The following ANKMY2 variants were observed in gnomAD, a reference collection of about 807,000 sequenced individuals.
ANKMY2 encodes the protein ankyrin repeat and MYND domain containing 2.
A neutral mutation model predicts 50.4 loss-of-function variants in ANKMY2; 36 were observed. The observed-to-expected ratio is 0.71, with a 90% confidence interval of 0.55 to 0.94. ANKMY2 has a LOEUF of 0.94. Ranked by LOEUF, ANKMY2 falls within the 40% of genes least tolerant of loss-of-function variation. The pLI is 0.00. For synonymous variants in ANKMY2, 187 were observed against 178.8 expected (o/e 1.05, Z -0.36); for missense variants, 565 against 524.0 (o/e 1.08, Z -0.76).
rs149136163 is a variant in ANKMY2, at chr7:16,615,793, G to A, written c.482C>T (p.Ala161Val). The change falls in exon 5 of 10, where the codon GCA becomes GTA. Residue 161 changes from alanine (A) to valine (V), a missense_variant. Ala to Val is a moderately conservative substitution (Grantham distance 64, BLOSUM62 0). Coordinates refer to ENST00000306999, the MANE Select transcript of ANKMY2 (RefSeq NM_020319.3). ...GGTGATAATTTTGTGCAGCGGGCCT[G>A]CCAACTTTGGGGGCAGTTTTGGCTC... is the stretch of plus-strand genomic sequence containing the variant. Reference protein sequence around the residue: ...DKEPKLPPKLAGPLHKIITTT... With the variant: ...DKEPKLPPKLVGPLHKIITTT... The A allele has an allele frequency of 1.1e-5, 17 of 1,614,088 alleles. No individual in the cohort carries two copies. The African/African-American group carries it at 1.9e-4, about 18-fold the overall frequency.
At chr7:16,614,621 TTGAG>T (rs1483822404) in intron 5 of ANKMY2, among the ~76,000 whole-genome samples, 6 of 152,228 alleles carry the variant, frequency 3.9e-5, no homozygotes, top group African/African-American at 7.2e-5. Flanking sequence ...TCTTATATCT[TTGAG>T]TGAGTGTCAG....
At chr7:16,623,937 A>G (rs568868003) in intron 4 of ANKMY2, among the ~76,000 whole-genome samples, 1 of 152,188 alleles carries the variant, frequency 6.6e-6, no homozygotes, top group Non-Finnish European at 1.5e-5. Context: ...AAAATTTAAC[A>G]TAATATTCAG....
In ANKMY2 at chr7:16,610,690, T is replaced by A. The variant is rs772985274; in HGVS notation, c.605A>T (p.Asp202Val). ...CTTCATACATTTCTCACAAATCAAA[T>A]CCATCACTCTGTAGCATTTATTCAG... Reference protein sequence around the residue: ...AALNKCYRVMDLICEKCMKQR... With the variant: ...AALNKCYRVMVLICEKCMKQR... The change falls in exon 6 of 10, where the codon GAT becomes GTT. Residue 202 changes from aspartate to valine, a missense_variant. Asp to Val is a radical substitution (Grantham distance 152, BLOSUM62 -3). Transcript: ENST00000306999. 6.2e-7 allele frequency: 1 copy of A among 1,613,988 alleles called. No homozygotes were observed. The highest frequency in any genetic ancestry group is 2.2e-5 in the East Asian group (1 of 44,836).
intron 4 of ANKMY2, among the ~76,000 whole-genome samples, chr7:16,620,591 T>TAC (rs58418780): frequency 0.078 from 11,346 of 145,448 alleles, 619 homozygotes; most frequent in African/African-American, 0.17. Flanking sequence ...AATACATGTG[T>TAC]ACACACACAC....
At position 16,624,856 on chromosome 7, in the gene ANKMY2, G is replaced by C. The variant is rs907923009; in HGVS notation, c.370+127C>G. On this transcript the variant is annotated intron_variant, in intron 4 of 9. Transcript: ENST00000306999. ...CTAGGTGTTTCATTAAGTTACAGTG[G>C]ACTGTAAATACTTAAGTTTTTTTAA... is the stretch of plus-strand genomic sequence containing the variant. 4 of 698,390 alleles carry C rather than the reference G, an allele frequency of 5.7e-6. No homozygotes were observed. The Admixed American group carries it at 8.1e-5, about 14-fold the overall frequency. The allele number at this position is 698,390 out of a possible 1,614,324, so 43.3% of individuals were successfully genotyped here.
intron 1 of ANKMY2, among the ~76,000 whole-genome samples, chr7:16,642,110 T>C (rs73312738): frequency 0.037 from 5,598 of 151,852 alleles, 351 homozygotes; most frequent in African/African-American, 0.13. Context: ...ATAGCTCCTT[T>C]ACACAGATAT....
intron 1 of ANKMY2, among the ~76,000 whole-genome samples, chr7:16,638,862 C>CG (rs1021068876): frequency 5.4e-5 from 3 of 55,654 alleles, no homozygotes; most frequent in African/African-American, 2.4e-4. Flanking sequence ...CACCTAGCAC[C>CG]CCATTGTTCA....
At position 16,627,025 on chromosome 7, in the gene ANKMY2, A is replaced by G; in HGVS notation, c.271+15T>C. 6.3e-7 allele frequency: 1 copy of G among 1,583,974 alleles called. No homozygotes were observed. The highest frequency in any genetic ancestry group is 8.6e-7 in the Non-Finnish European group (1 of 1,166,880). ...TTGTATAGGTAACTTATATTTATAA[A>G]TACTAAAACTTCACCAGAAAGTGCA... On this transcript the variant is annotated intron_variant, in intron 3 of 9. Transcript: ENST00000306999.
At chr7:16,623,506 G>C (rs1221463862) in intron 4 of ANKMY2, among the ~76,000 whole-genome samples, 1 of 152,082 alleles carries the variant, frequency 6.6e-6, no homozygotes, top group Non-Finnish European at 1.5e-5. Flanking sequence ...TTACATTGTG[G>C]ATATAATGAA....
chr7:16,609,346 T>C (rs748242131), intron 7 of ANKMY2, among the ~76,000 whole-genome samples: 1 of 152,170 alleles, frequency 6.6e-6, no homozygotes, highest in Non-Finnish European at 1.5e-5. Context: ...CTATATTACA[T>C]AGTGGATGTA....
In ANKMY2 at chr7:16,609,623, G is replaced by A. The variant is rs905545200; in HGVS notation, c.882+7C>T. ...GATAGAGTCAACTTAGGTAAGAGGA[G>A]CCTTACAATTTCAACAGGAGCAATG... On this transcript the variant is annotated splice_region_variant and intron_variant, in intron 7 of 9. Transcript: ENST00000306999. 6.3e-7 allele frequency: 1 copy of A among 1,597,382 alleles called. No homozygotes were observed. The highest frequency in any genetic ancestry group is 8.5e-7 in the Non-Finnish European group (1 of 1,175,342).
chr7:16,645,531 C>T lies in ANKMY2; in HGVS notation c.43G>A (p.Glu15Lys). Reference sequence around the variant, plus strand: ...CCTTTCCCGATGACTTCCAGTAGCTCCTTCTCCTCCTGGGTCAGCTCGCCT... The same window carrying T: ...CCTTTCCCGATGACTTCCAGTAGCTTCTTCTCCTCCTGGGTCAGCTCGCCT... ...KKGELTQEEK[E>K]LLEVIGKGTV... The change falls in exon 1 of 10, where the codon GAG (glutamate) becomes AAG (lysine). Residue 15 changes from glutamate (E) to lysine (K), a missense_variant. Transcript: ENST00000306999. 6.2e-7 allele frequency: 1 copy of T among 1,612,076 alleles called. No homozygotes were observed. Among genetic ancestry groups the T allele is most frequent in the Non-Finnish European group, 8.5e-7 (1 of 1,179,018 alleles).
intron 5 of ANKMY2, among the ~76,000 whole-genome samples, chr7:16,612,756 C>T (rs1781276043): frequency 6.6e-6 from 1 of 152,062 alleles, no homozygotes; most frequent in South Asian, 2.1e-4. Flanking sequence ...CTTATTGAAA[C>T]AACTACATAG....
intron 5 of ANKMY2, among the ~76,000 whole-genome samples, chr7:16,615,482 G>C (rs969261353): frequency 2.0e-5 from 3 of 152,172 alleles, no homozygotes; most frequent in African/African-American, 4.8e-5. Flanking sequence ...CTCCCGGTGG[G>C]ATGAGGTGGA....
intron 2 of ANKMY2, 110 bp from the exon 3 acceptor site, chr7:16,627,288 G>A (rs1781519986): frequency 3.3e-6 from 2 of 612,870 alleles, no homozygotes; most frequent in Non-Finnish European, 5.2e-6. Context: ...AATTAAAATG[G>A]TCATTATAAT....
rs1247868379 is a variant in ANKMY2 at position 16,600,679 on chromosome 7, C to T, written c.*82G>A. The T allele has an allele frequency of 3.1e-6, 4 of 1,275,886 alleles. No individual in the cohort carries two copies. The highest frequency in any genetic ancestry group is 4.2e-6 in the Non-Finnish European group (4 of 952,524). The allele number at this position is 1,275,886 out of a possible 1,614,324, so 79.0% of individuals were successfully genotyped here. ...CTGCCATGGTGCCACGCAGGTATAA[C>T]AAGGTGAGGACAATGCATTCCTAGG... On this transcript the variant is annotated 3_prime_UTR_variant, in exon 10 of 10. Coordinates refer to ENST00000306999, the MANE Select transcript of ANKMY2 (RefSeq NM_020319.3).
At chr7:16,612,999 T>A (rs1188562521) in intron 5 of ANKMY2, among the ~76,000 whole-genome samples, 1 of 152,222 alleles carries the variant, frequency 6.6e-6, no homozygotes, top group Non-Finnish European at 1.5e-5. Flanking sequence ...ATCCTATTTT[T>A]AAAAACTGCT....
At chr7:16,617,853 G>C (rs1433674711) in intron 4 of ANKMY2, among the ~76,000 whole-genome samples, 1 of 151,170 alleles carries the variant, frequency 6.6e-6, no homozygotes, top group East Asian at 1.9e-4. Context: ...TGTAGTCCCA[G>C]CTACTTGGGA....
At chr7:16,623,819 A>G (rs1053972515) in intron 4 of ANKMY2, among the ~76,000 whole-genome samples, 9 of 152,182 alleles carry the variant, frequency 5.9e-5, no homozygotes, top group African/African-American at 2.2e-4. Context: ...TCCTTTTGAA[A>G]TGAAAATAAG....
Sources: gnomAD v4.1 joint callset for allele counts (sites outside exome capture counted in the v4.1 genomes callset) on GRCh38, gnomAD v4.1.1 for gene constraint, MANE v1.5 for transcripts, NCBI Gene and HGNC (gene_info 2026-07-23, HGNC 2026-07-21) for gene names.